CBL: variants seen among roughly 807,000 people sequenced by gnomAD.
CBL encodes the protein Cbl proto-oncogene.
CBL carries 45 observed loss-of-function variants against 96.9 expected under a neutral mutation model. The ratio of observed to expected loss-of-function variants is 0.46; its 90% CI spans 0.37 to 0.60. The LOEUF is 0.60. Among genes scored for constraint, CBL ranks in the 20% least tolerant of loss-of-function variants. The pLI, the probability that CBL is intolerant of heterozygous loss-of-function variation, is 0.00. For missense variants in CBL, 1,024 were observed against 1,143.5 expected, an observed-to-expected ratio of 0.90 and a Z score of 1.51; for synonymous variants, 420 against 426.8, an observed-to-expected ratio of 0.98 and a Z score of 0.20.
chr11:119,299,632 T>C lies in CBL; in HGVS notation c.2572T>C (p.Ser858Pro). ...TGCTGCCACCGCCTCACCTCAGCTC[T>C]CCAGTGAGATCGAGAACCTCATGAG... ...ASAATASPQL[S>P]SEIENLMSQG... The change falls in exon 16 of 16, where the codon TCC (serine) becomes CCC (proline). Residue 858 changes from serine to proline, a missense_variant. Ser to Pro is a moderately conservative substitution (Grantham distance 74). This residue lies in a region of CBL where 695 missense variants were observed against 661.6 expected (regional missense o/e 1.05). Transcript: ENST00000264033. 1 of 1,614,200 alleles carries C rather than the reference T, an allele frequency of 6.2e-7. No homozygotes were observed. The highest frequency in any genetic ancestry group is 8.5e-7 in the Non-Finnish European group (1 of 1,180,026).
Position 119,278,728 on chromosome 11 carries a change from T to C in CBL, c.1431+15T>C. On this transcript the variant is annotated intron_variant, in intron 9 of 15. Coordinates refer to ENST00000264033, the MANE Select transcript of CBL (RefSeq NM_005188.4). ...CTGGTGCCAAGGTAAGATGGCAGTT[T>C]AGGAGACTGGCAAAATCCATTGTGA... is the stretch of plus-strand genomic sequence containing the variant. 1 of 1,607,982 alleles carries C rather than the reference T, an allele frequency of 6.2e-7. No individual in the cohort carries two copies. Among genetic ancestry groups the C allele is most frequent in the Non-Finnish European group, 8.5e-7 (1 of 1,174,716 alleles).
At chr11:119,241,796 T>C (rs1304615763) in intron 2 of CBL, among the ~76,000 whole-genome samples, 1 of 152,136 alleles carries the variant, frequency 6.6e-6, no homozygotes, top group African/African-American at 2.4e-5. Context: ...TGAAAAAGAT[T>C]TTCAGTCCAT....
chr11:119,222,005 C>T (rs1190642893), intron 1 of CBL, among the ~76,000 whole-genome samples: 1 of 152,172 alleles, frequency 6.6e-6, no homozygotes, highest in Non-Finnish European at 1.5e-5. Context: ...CTCCTCTCTT[C>T]TTGACAGGAG....
chr11:119,301,617 C>T lies in CBL; in HGVS notation c.*1836C>T, dbSNP rs990070448. The T allele has an allele frequency of 4.3e-6, 1 of 233,134 alleles. No individual in the cohort carries two copies. The highest frequency in any genetic ancestry group is 8.5e-6 in the Non-Finnish European group (1 of 118,044). 14.4% of individuals were successfully genotyped at this position (233,134 alleles called of 1,614,324 possible). A position where few individuals can be genotyped will look rare whatever the true frequency, so the allele number is the denominator to read the frequency against. On this transcript the variant is annotated 3_prime_UTR_variant, in exon 16 of 16. Transcript: ENST00000264033. ...ACTCCTAGATCTTTTGGTTTTATCC[C>T]CTGGCCTCAGAGCCATTTATATTCC...
chr11:119,279,553 G>C (rs1433265172), intron 9 of CBL, among the ~76,000 whole-genome samples: 1 of 152,036 alleles, frequency 6.6e-6, no homozygotes, highest in Non-Finnish European at 1.5e-5. Flanking sequence ...TCTGGAGACT[G>C]AGACGGGAGG....
intron 9 of CBL, 70 bp downstream of exon 9, chr11:119,278,783 C>T (rs149463375): frequency 5.8e-5 from 67 of 1,156,692 alleles, no homozygotes; most frequent in Non-Finnish European, 7.3e-5. Context: ...AAACACTTAA[C>T]GATATCCAAA....
At chr11:119,271,903 T>A in intron 3 of CBL, 22 bp downstream of exon 3, 1 of 1,611,820 alleles carries the variant, frequency 6.2e-7, no homozygotes, top group East Asian at 2.2e-5. Flanking sequence ...AATAATGAAT[T>A]TGAACTATGA....
intron 2 of CBL, among the ~76,000 whole-genome samples, chr11:119,264,678 C>T (rs1949787404): frequency 6.7e-6 from 1 of 149,292 alleles, no homozygotes; most frequent in Non-Finnish European, 1.5e-5. Context: ...GACGGACTTT[C>T]ACCATGTTGC....
intron 2 of CBL, among the ~76,000 whole-genome samples, chr11:119,270,436 ATTTTTTT>A (rs869150071): frequency 0.022 from 847 of 38,408 alleles, 8 homozygotes; most frequent in Non-Finnish European, 0.025. Flanking sequence ...ATATATATAT[ATTTTTTT>A]TTTTTTTTTT....
Position 119,300,279 on chromosome 11 carries a change from T to A in CBL, c.*498T>A. 2.2e-6 allele frequency: 1 copy of A among 452,452 alleles called. No individual in the cohort carries two copies. The highest frequency in any genetic ancestry group is 3.9e-6 in the Non-Finnish European group (1 of 258,608). 28.0% of individuals were successfully genotyped at this position (452,452 alleles called of 1,614,324 possible). A position where few individuals can be genotyped will look rare whatever the true frequency, so the allele number is the denominator to read the frequency against. On this transcript the variant is annotated 3_prime_UTR_variant, in exon 16 of 16. Coordinates refer to ENST00000264033, the MANE Select transcript of CBL (RefSeq NM_005188.4). ...TCTTTTTTTAAAGACTTCCATCTACTGTGGTATTATACCCAAGCCTAGTGT... is the reference window on the plus strand; with the variant it reads ...TCTTTTTTTAAAGACTTCCATCTACAGTGGTATTATACCCAAGCCTAGTGT...
At chr11:119,236,624 C>T (rs935547386) in intron 2 of CBL, among the ~76,000 whole-genome samples, 88 of 120,394 alleles carry the variant, frequency 7.3e-4, no homozygotes, top group Non-Finnish European at 1.2e-3. Flanking sequence ...TATATATATA[C>T]CCATAGGAGT....
At chr11:119,216,347 T>TATTTATTC (rs975361294) in intron 1 of CBL, among the ~76,000 whole-genome samples, 5 of 82,468 alleles carry the variant, frequency 6.1e-5, no homozygotes, top group African/African-American at 2.2e-4. Flanking sequence ...GTAATTTATT[T>TATTTATTC]ATTTATTTAT....
At chr11:119,277,241 G>GCACACACACACACA (rs59099916) in intron 6 of CBL, among the ~76,000 whole-genome samples, 326 of 146,480 alleles carry the variant, frequency 2.2e-3, no homozygotes, top group East Asian at 6.1e-3. Context: ...AATCTGTCGC[G>GCACACACACACACA]CACACACACA....
intron 2 of CBL, among the ~76,000 whole-genome samples, chr11:119,270,048 A>C (rs1173836243): frequency 6.6e-6 from 1 of 152,180 alleles, no homozygotes; most frequent in Non-Finnish European, 1.5e-5. Context: ...AAACTTTTGA[A>C]TACATAAATA....
chr11:119,220,441 TC>T (rs2135256283), intron 1 of CBL, among the ~76,000 whole-genome samples: 1 of 152,172 alleles, frequency 6.6e-6, no homozygotes, highest in East Asian at 1.9e-4. Flanking sequence ...AGACCCTGTG[TC>T]TAAAAAAATA....
intron 9 of CBL, among the ~76,000 whole-genome samples, chr11:119,279,245 A>G (rs1445940439): frequency 2.6e-5 from 4 of 151,588 alleles, no homozygotes; most frequent in East Asian, 3.9e-4. Flanking sequence ...GCTCATGCCT[A>G]TAATCCCAGT....
At position 119,302,793 on chromosome 11, in the gene CBL, A is replaced by G. The variant is rs924715704; in HGVS notation, c.*3012A>G. 8.7e-6 allele frequency: 2 copies of G among 230,690 alleles called. No individual in the cohort carries two copies. The highest frequency in any genetic ancestry group is 4.4e-5 in the African/African-American group (2 of 45,210). The allele number at this position is 230,690 out of a possible 1,614,324, so 14.3% of individuals were successfully genotyped here. On this transcript the variant is annotated 3_prime_UTR_variant, in exon 16 of 16. Transcript: ENST00000264033. ...TAAGTAATAGACCAGGCAGCTTCTC[A>G]TCTCAGCATTTACCTGTTAATATTT... is the stretch of plus-strand genomic sequence containing the variant.
intron 1 of CBL, among the ~76,000 whole-genome samples, chr11:119,219,344 C>T (rs1326766171): frequency 2.0e-5 from 3 of 150,358 alleles, no homozygotes; most frequent in Non-Finnish European, 4.4e-5. Context: ...TGTCATTGCA[C>T]TCCAGCCTGG....
intron 2 of CBL, among the ~76,000 whole-genome samples, chr11:119,257,091 G>A (rs1204816323): frequency 1.3e-5 from 2 of 152,194 alleles, no homozygotes; most frequent in African/African-American, 4.8e-5. Context: ...ATACCCAGTG[G>A]TGGGCTTGCT....
Sources: gnomAD v4.1 joint callset for allele counts (sites outside exome capture counted in the v4.1 genomes callset) on GRCh38, gnomAD v4.1.1 for gene constraint, gnomAD v4.1.1 regional missense constraint, MANE v1.5 for transcripts, NCBI Gene and HGNC (gene_info 2026-07-23, HGNC 2026-07-21) for gene names.